Variants in PHF21B observed in about 807,000 individuals in gnomAD.
The protein encoded by PHF21B is PHD finger protein 4.
A neutral mutation model predicts 62.2 loss-of-function variants in PHF21B; 22 were observed. The ratio of observed to expected loss-of-function variants is 0.35; its 90% confidence interval spans 0.25 to 0.51. The LOEUF is 0.51. Ranked by LOEUF, PHF21B falls within the 20% of genes least tolerant of loss-of-function variation. The pLI is 0.97. For missense variants in PHF21B, 701 were observed against 707.9 expected (o/e 0.99, Z 0.11); for synonymous variants, 341 against 314.7 (o/e 1.08, Z -0.88).
At chr22:44,905,788 C>T (rs1182085383) in intron 5 of PHF21B, among the ~76,000 whole-genome samples, 1 of 152,220 alleles carries the variant, frequency 6.6e-6, no homozygotes, top group African/African-American at 2.4e-5. Context: ...GCCACCAGGC[C>T]TGGCTAATTT....
chr22:44,952,331 G>T (rs933040176), intron 2 of PHF21B, among the ~76,000 whole-genome samples: 1 of 152,176 alleles, frequency 6.6e-6, no homozygotes, highest in Non-Finnish European at 1.5e-5. Flanking sequence ...CAACAAGAGC[G>T]AAACTTTGTC....
At chr22:44,949,301 C>G (rs907849481) in intron 2 of PHF21B, among the ~76,000 whole-genome samples, 2 of 42,470 alleles carry the variant, frequency 4.7e-5, no homozygotes, top group Non-Finnish European at 1.0e-4. Context: ...AACTCCATCT[C>G]AAAAAAAAGA....
intron 2 of PHF21B, among the ~76,000 whole-genome samples, chr22:44,953,652 C>T (rs1393423735): frequency 1.3e-5 from 2 of 152,134 alleles, no homozygotes; most frequent in Non-Finnish European, 2.9e-5. Flanking sequence ...CCCCAGCCCT[C>T]CTTCCTGAGA....
In PHF21B at chr22:44,883,076, T is replaced by C; in HGVS notation, c.*10A>G. ...AACTTTCCGTGGGTATGAAGACTGG[T>C]CCCTCGGGGTCAGTTGTGGCCCTGG... On this transcript the variant is annotated 3_prime_UTR_variant, in exon 13 of 13. Transcript: ENST00000313237. 1 of 1,603,558 alleles carries C rather than the reference T, an allele frequency of 6.2e-7. No homozygotes were observed. Among genetic ancestry groups the C allele is most frequent in the Non-Finnish European group, 8.5e-7 (1 of 1,175,862 alleles).
chr22:44,959,785 C>T (rs1250375311), intron 2 of PHF21B, among the ~76,000 whole-genome samples: 1 of 152,158 alleles, frequency 6.6e-6, no homozygotes, highest in East Asian at 1.9e-4. Context: ...GGAAGATATC[C>T]CAGGAGATGA....
intron 2 of PHF21B, among the ~76,000 whole-genome samples, chr22:44,932,232 G>A (rs1191943601): frequency 3.3e-5 from 5 of 152,220 alleles, no homozygotes; most frequent in African/African-American, 4.8e-5. Context: ...TGCCAGGAGA[G>A]GGCAGATTGG....
At chr22:44,925,797 G>A (rs563964482) in intron 2 of PHF21B, among the ~76,000 whole-genome samples, 51 of 152,184 alleles carry the variant, frequency 3.4e-4, no homozygotes, top group Non-Finnish European at 5.7e-4. Flanking sequence ...CCATTACCTC[G>A]AACTCCACGA....
intron 2 of PHF21B, among the ~76,000 whole-genome samples, chr22:44,979,395 A>G (rs919098732): frequency 6.6e-6 from 1 of 152,184 alleles, no homozygotes; most frequent in African/African-American, 2.4e-5. Context: ...GTGCAAGGGC[A>G]CTCAGGAGGC....
chr22:44,952,598 C>A (rs561929092), intron 2 of PHF21B, among the ~76,000 whole-genome samples: 1 of 152,318 alleles, frequency 6.6e-6, no homozygotes, highest in South Asian at 2.1e-4. Context: ...TAATCACTAA[C>A]GGTGACTGCC....
chr22:44,934,692 G>C (rs2071810138), intron 2 of PHF21B, among the ~76,000 whole-genome samples: 1 of 152,218 alleles, frequency 6.6e-6, no homozygotes, highest in Admixed American at 6.5e-5. Context: ...AGGGTGTAGG[G>C]AGTCCTGGAG....
intron 2 of PHF21B, among the ~76,000 whole-genome samples, chr22:44,964,513 G>C (rs189627280): frequency 1.3e-5 from 2 of 152,200 alleles, no homozygotes; most frequent in African/African-American, 4.8e-5. Context: ...CCCCTGACTC[G>C]GCAGGAGAAG....
Position 44,882,880 on chromosome 22 carries a change from C to G in PHF21B, c.*206G>C. On this transcript the variant is annotated 3_prime_UTR_variant, in exon 13 of 13. Transcript: ENST00000313237. Reference sequence around the variant, plus strand: ...TACCCCACCTGGCTCCTAGGTACCCCCTGTGAATTTGGAGGGCACAGGGCC... The same window carrying G: ...TACCCCACCTGGCTCCTAGGTACCCGCTGTGAATTTGGAGGGCACAGGGCC... 1.7e-6 allele frequency: 1 copy of G among 585,144 alleles called. No homozygotes were observed. Among genetic ancestry groups the G allele is most frequent in the Non-Finnish European group, 2.9e-6 (1 of 348,238 alleles). 36.2% of individuals were successfully genotyped at this position (585,144 alleles called of 1,614,324 possible).
Position 44,881,806 on chromosome 22 carries a change from G to C in PHF21B, c.*1280C>G, listed in dbSNP as rs1298397907. On this transcript the variant is annotated 3_prime_UTR_variant, in exon 13 of 13. Transcript: ENST00000313237. Reference sequence around the variant, plus strand: ...GTTGTGCTGAGTCCCTCAGGACTGGGATGTGGGAATCGGGCAAGGGTGACA... The same window carrying C: ...GTTGTGCTGAGTCCCTCAGGACTGGCATGTGGGAATCGGGCAAGGGTGACA... The C allele has an allele frequency of 6.5e-6, 1 of 152,708 alleles. No homozygotes were observed. The highest frequency in any genetic ancestry group is 1.5e-5 in the Non-Finnish European group (1 of 68,064). 9.5% of individuals were successfully genotyped at this position (152,708 alleles called of 1,614,324 possible). A position where few individuals can be genotyped will look rare whatever the true frequency, so the allele number is the denominator to read the frequency against.
chr22:44,938,106 G>A (rs192839084), intron 2 of PHF21B, among the ~76,000 whole-genome samples: 6 of 152,296 alleles, frequency 3.9e-5, no homozygotes, highest in East Asian at 3.9e-4. Flanking sequence ...ACAGAGTCTC[G>A]CTGTGTCACC....
chr22:44,958,562 G>C (rs567625028), intron 2 of PHF21B, among the ~76,000 whole-genome samples: 1 of 149,410 alleles, frequency 6.7e-6, no homozygotes, highest in African/African-American at 2.5e-5. Context: ...TACTCTTTGA[G>C]AGATCTCCTC....
At chr22:44,900,712 CG>C (rs1272050179) in intron 5 of PHF21B, among the ~76,000 whole-genome samples, 1 of 151,590 alleles carries the variant, frequency 6.6e-6, no homozygotes, top group African/African-American at 2.4e-5. Flanking sequence ...GTTACTCTAG[CG>C]TATCCTGGAA....
Position 44,964,478 on chromosome 22 carries a change from CCGA to C in PHF21B, c.121-43991_121-43989del, listed in dbSNP as rs79941068. 0.016 allele frequency among the ~76,000 whole-genome samples: 2,481 copies of C among 152,338 alleles called. 352 individuals carry two copies. In the East Asian group the frequency reaches 0.34, roughly 21 times the overall value. On this transcript the variant is annotated intron_variant, in intron 2 of 12. Transcript: ENST00000313237. ...GCAGAGGAGGACCACTCCCAAACCT[CCGA>C]TCTTCAGCAGCGAAACAACAGCCCC...
At chr22:44,914,112 C>A in intron 4 of PHF21B, 24 bp from the exon 5 acceptor site, 4 of 598,022 alleles carry the variant, frequency 6.7e-6, no homozygotes, top group Non-Finnish European at 1.1e-5. Context: ...GTGAGGGGCA[C>A]AGGGAGGAAG....
chr22:44,885,602 G>T, intron 11 of PHF21B, 73 bp from the exon 12 acceptor site: 1 of 1,415,552 alleles, frequency 7.1e-7, no homozygotes, highest in Non-Finnish European at 9.6e-7. Flanking sequence ...AAATGGGAGA[G>T]GCAGAAGGGA....
Sources: gnomAD v4.1 joint callset for allele counts (sites outside exome capture counted in the v4.1 genomes callset) on GRCh38, gnomAD v4.1.1 for gene constraint, MANE v1.5 for transcripts, NCBI Gene and HGNC (gene_info 2026-07-23, HGNC 2026-07-21) for gene names.